The following ACVR1B variants were observed in gnomAD, a reference collection of about 807,000 sequenced individuals.
The protein encoded by ACVR1B is activin receptor type-1B.
Under a neutral mutation model 55.6 loss-of-function variants are expected in ACVR1B, and 15 were observed. That is an observed-to-expected ratio of 0.27 (90% confidence interval 0.18 to 0.42). The LOEUF is 0.42. ACVR1B is among the 10% of genes least tolerant of loss of function. The pLI is 1.00. For missense variants in ACVR1B, 359 were observed against 670.1 expected, an observed-to-expected ratio of 0.54 and a Z score of 5.13; for synonymous variants, 247 against 254.6, an observed-to-expected ratio of 0.97 and a Z score of 0.28.
At chr12:51,952,219 C>T (rs1684929318) in intron 1 of ACVR1B, among the ~76,000 whole-genome samples, 1 of 152,136 alleles carries the variant, frequency 6.6e-6, no homozygotes, top group Non-Finnish European at 1.5e-5. Context: ...TCTTCCCTCC[C>T]TCCAGGTGCT....
intron 8 of ACVR1B, among the ~76,000 whole-genome samples, chr12:51,993,482 C>T (rs1942233312): frequency 6.6e-6 from 1 of 152,020 alleles, no homozygotes; most frequent in African/African-American, 2.4e-5. Flanking sequence ...AAAGGAAGAG[C>T]CGCCTGGCGC....
At chr12:51,960,797 C>T (rs999999324) in intron 1 of ACVR1B, among the ~76,000 whole-genome samples, 6 of 152,182 alleles carry the variant, frequency 3.9e-5, no homozygotes, top group Non-Finnish European at 7.3e-5. Context: ...TTCCATCCTA[C>T]GGCTAGATCT....
chr12:51,993,137 G>A lies in ACVR1B; in HGVS notation c.1393-848G>A, dbSNP rs142210876. Among the ~76,000 whole-genome samples, 1,310 of 152,360 alleles carry A rather than the reference G, an allele frequency of 8.6e-3. 16 individuals are homozygous for A. Among genetic ancestry groups the A allele is most frequent in the African/African-American group, 0.03 (1,258 of 41,566 alleles). The stretch of plus-strand genomic sequence containing the variant: ...TCACCTCACCTTGTTGCTTGTGTGT[G>A]TAGTGAGAGCAGTTGAGACCTACTG... On this transcript the variant is annotated intron_variant, in intron 8 of 8. Coordinates refer to ENST00000257963, the MANE Select transcript of ACVR1B (RefSeq NM_004302.5).
chr12:51,959,673 G>A (rs1450554305), intron 1 of ACVR1B, among the ~76,000 whole-genome samples: 1 of 152,174 alleles, frequency 6.6e-6, no homozygotes. Flanking sequence ...AAGCAAGAGA[G>A]GGGAATAATG....
At position 51,975,407 on chromosome 12, in the gene ACVR1B, C is replaced by T. The variant is rs114638064; in HGVS notation, c.234C>T (p.Ala78=). Residue 78 remains alanine, a synonymous_variant, in exon 2 of 9, where the codon GCC becomes GCT. Transcript: ENST00000257963. The part of the protein sequence containing the change: ...TCIPKVELVP[A]GKPFYCLSSE... Reference sequence around the variant, plus strand: ...TCCCCAAAGTGGAGCTGGTCCCTGCCGGGAAGCCCTTCTACTGCCTGAGCT... The same window carrying T: ...TCCCCAAAGTGGAGCTGGTCCCTGCTGGGAAGCCCTTCTACTGCCTGAGCT... 148 of 1,614,186 alleles carry T rather than the reference C, an allele frequency of 9.2e-5. No individual in the cohort carries two copies. The African/African-American group carries it at 1.7e-3, about 18-fold the overall frequency.
chr12:51,965,585 A>G (rs1941623882), intron 1 of ACVR1B, among the ~76,000 whole-genome samples: 1 of 152,198 alleles, frequency 6.6e-6, no homozygotes, highest in Non-Finnish European at 1.5e-5. Flanking sequence ...GCATCAAAGC[A>G]CAATGGGAGG....
chr12:51,976,618 T>TC (rs34541602), intron 3 of ACVR1B, 43 bp downstream of exon 3: 2 of 1,606,382 alleles, frequency 1.2e-6, no homozygotes, highest in Non-Finnish European at 1.7e-6. Context: ...TTGGCTTTCA[T>TC]CAGTTTCCCA....
chr12:51,978,829 CA>C (rs34088542), intron 3 of ACVR1B, among the ~76,000 whole-genome samples: 2,724 of 48,258 alleles, frequency 0.056, 50 homozygotes, highest in African/African-American at 0.16. Flanking sequence ...GACTCCGTCT[CA>C]AAAAAAAAAA....
Position 51,994,335 on chromosome 12 carries a change from C to T in ACVR1B, c.*225C>T, listed in dbSNP as rs886465806. 183 of 523,316 alleles carry T rather than the reference C, an allele frequency of 3.5e-4. 1 individual carries two copies. Among genetic ancestry groups the T allele is most frequent in the Admixed American group, 1.1e-4 (3 of 27,902 alleles). 32.4% of individuals were successfully genotyped at this position (523,316 alleles called of 1,614,324 possible). A position where few individuals can be genotyped will look rare whatever the true frequency, so the allele number is the denominator to read the frequency against. ...CCTAATGGCATGGAGACTCTGAGAGCGAATTGTGTGGAGAACTCAGTGCCA... is the reference window on the plus strand; with the variant it reads ...CCTAATGGCATGGAGACTCTGAGAGTGAATTGTGTGGAGAACTCAGTGCCA... On this transcript the variant is annotated 3_prime_UTR_variant, in exon 9 of 9. Transcript: ENST00000257963. The surrounding 1 kb of genome is among the most constrained non-coding windows in gnomAD (Gnocchi z 4.2).
chr12:51,960,637 G>T (rs959737106), intron 1 of ACVR1B, among the ~76,000 whole-genome samples: 1 of 152,182 alleles, frequency 6.6e-6, no homozygotes, highest in Admixed American at 6.5e-5. Context: ...TTACAGATGA[G>T]AAAACTAGGG....
intron 1 of ACVR1B, among the ~76,000 whole-genome samples, chr12:51,962,216 C>CT (rs1941544365): frequency 6.6e-6 from 1 of 152,198 alleles, no homozygotes; most frequent in African/African-American, 2.4e-5. Flanking sequence ...ATTCCAAGAC[C>CT]TTTTCCCAGA....
rs1414356605 is a variant in ACVR1B, at chr12:51,995,026, T to C, written c.*916T>C. 6.5e-6 allele frequency: 1 copy of C among 152,758 alleles called. No homozygotes were observed. The highest frequency in any genetic ancestry group is 1.9e-4 in the East Asian group (1 of 5,234). The allele number at this position is 152,758 out of a possible 1,614,324, so 9.5% of individuals were successfully genotyped here. On this transcript the variant is annotated 3_prime_UTR_variant, in exon 9 of 9. Coordinates refer to ENST00000257963, the MANE Select transcript of ACVR1B (RefSeq NM_004302.5). ...CCCAGTTGTCCATGACAAAAGAGGC[T>C]TTTGGGCCAAAATGTGAGGGTGGTG...
intron 1 of ACVR1B, chr12:51,953,594 TA>T (rs11404836): frequency 0.17 from 124,488 of 729,360 alleles, 1 homozygote; most frequent in Non-Finnish European, 0.19. Flanking sequence ...TACTGGGTAG[TA>T]AAAAAAAAAA....
chr12:51,962,291 A>G (rs1342769596), intron 1 of ACVR1B, among the ~76,000 whole-genome samples: 2 of 151,794 alleles, frequency 1.3e-5, no homozygotes, highest in East Asian at 1.9e-4. Flanking sequence ...CCCACCCCCC[A>G]CCATACAAAT....
At chr12:51,977,895 T>G in intron 3 of ACVR1B, among the ~76,000 whole-genome samples, 1 of 150,916 alleles carries the variant, frequency 6.6e-6, no homozygotes. Context: ...TCCACAAAGA[T>G]CACTGTTGCC....
chr12:51,954,996 C>T (rs1432692504), intron 1 of ACVR1B, among the ~76,000 whole-genome samples: 1 of 152,146 alleles, frequency 6.6e-6, no homozygotes, highest in Non-Finnish European at 1.5e-5. Context: ...TAATTTCTGT[C>T]TCTGGCAGGC....
At chr12:51,953,852 TGTGGGG>T (rs1941358848) in intron 1 of ACVR1B, among the ~76,000 whole-genome samples, 1 of 152,152 alleles carries the variant, frequency 6.6e-6, no homozygotes, top group Admixed American at 6.5e-5. Flanking sequence ...AATGGATGTT[TGTGGGG>T]GTTAAGGTGG....
At chr12:51,963,679 T>G (rs1410013464) in intron 1 of ACVR1B, among the ~76,000 whole-genome samples, 1 of 152,254 alleles carries the variant, frequency 6.6e-6, no homozygotes, top group Non-Finnish European at 1.5e-5. Flanking sequence ...CCACATTTTG[T>G]TCATTCATCA....
At position 51,993,884 on chromosome 12, in the gene ACVR1B, T is replaced by C. The variant is rs549334933; in HGVS notation, c.1393-101T>C. The C allele has an allele frequency of 6.5e-5, 93 of 1,440,630 alleles. No homozygotes were observed. In the South Asian group the frequency reaches 9.1e-4, roughly 14 times the overall value. 89.2% of individuals were successfully genotyped at this position (1,440,630 alleles called of 1,614,324 possible). On this transcript the variant is annotated intron_variant, in intron 8 of 8. Transcript: ENST00000257963. ...CCGGGTGGATGTGGATCTGCCAGAC[T>C]GCACTGAGCGGGAGGTGGCAGGGAA...
Sources: allele counts gnomAD v4.1 joint callset (sites outside exome capture counted in the v4.1 genomes callset), GRCh38; gene constraint gnomAD v4.1.1; non-coding constraint Gnocchi (gnomAD v3.1); transcripts MANE v1.5; gene names NCBI Gene and HGNC (gene_info 2026-07-23, HGNC 2026-07-21).